Variants in UNC13C observed in about 807,000 individuals in gnomAD.
UNC13C encodes unc-13 homolog C, also known as protein unc-13 homolog C.
A neutral mutation model predicts 245.4 loss-of-function variants in UNC13C; 174 were observed. The ratio of observed to expected loss-of-function variants is 0.71; its 90% CI spans 0.63 to 0.80. The LOEUF is 0.80. Among genes scored for constraint, UNC13C ranks in the 30% least tolerant of loss-of-function variants. The pLI is 0.00. For missense variants in UNC13C, 2,829 were observed against 2,602.9 expected (o/e 1.09, Z -1.89); for synonymous variants, 992 against 895.1 (o/e 1.11, Z -1.93).
chr15:54,292,135 A>G (rs1297559813), intron 10 of UNC13C, among the ~76,000 whole-genome samples: 3 of 152,074 alleles, frequency 2.0e-5, no homozygotes, highest in Non-Finnish European at 4.4e-5. Context: ...AGTTCTTAAC[A>G]GCAACAACAA....
chr15:54,138,305 C>T (rs2031835881), intron 2 of UNC13C, among the ~76,000 whole-genome samples: 1 of 151,838 alleles, frequency 6.6e-6, no homozygotes, highest in Non-Finnish European at 1.5e-5. Context: ...ATATTTTCAA[C>T]AATATGATTA....
chr15:53,924,739 A>G, the UNC13C span, among the ~76,000 whole-genome samples: 1 of 152,234 alleles, frequency 6.6e-6, no homozygotes, highest in Non-Finnish European at 1.5e-5. Context: ...AAGAAAGCCT[A>G]TATTTCATTT....
intron 30 of UNC13C, among the ~76,000 whole-genome samples, chr15:54,612,381 A>G (rs185621405): frequency 6.6e-6 from 1 of 151,978 alleles, no homozygotes. Context: ...TTTAGAGTTT[A>G]TTTATTTATA....
intron 19 of UNC13C, among the ~76,000 whole-genome samples, chr15:54,478,198 C>T (rs1021453608): frequency 6.9e-6 from 1 of 145,964 alleles, no homozygotes; most frequent in African/African-American, 2.6e-5. Context: ...ATTCTTCTCT[C>T]TTTTTTTCTT....
intron 1 of UNC13C, among the ~76,000 whole-genome samples, chr15:53,979,430 G>A (rs1257016974): frequency 8.0e-6 from 1 of 125,196 alleles, no homozygotes; most frequent in Non-Finnish European, 1.8e-5. Context: ...CTCTTCATCA[G>A]TTCTTCAAGA....
intron 4 of UNC13C, among the ~76,000 whole-genome samples, chr15:54,198,496 T>G (rs2034426970): frequency 6.6e-6 from 1 of 152,132 alleles, no homozygotes; most frequent in South Asian, 2.1e-4. Context: ...GATGCTGGTA[T>G]CAACAGCTGC....
At chr15:53,930,179 C>G in the UNC13C span, among the ~76,000 whole-genome samples, 1 of 152,140 alleles carries the variant, frequency 6.6e-6, no homozygotes, top group African/African-American at 2.4e-5. Context: ...TTCATGTGTC[C>G]TCTCTCTCCA....
At chr15:54,597,877 G>A (rs1323316191) in intron 30 of UNC13C, among the ~76,000 whole-genome samples, 1 of 152,148 alleles carries the variant, frequency 6.6e-6, no homozygotes, top group Non-Finnish European at 1.5e-5. Flanking sequence ...ATGGAGCACA[G>A]TAATGACTTT....
intron 17 of UNC13C, among the ~76,000 whole-genome samples, chr15:54,348,507 ATCTCTTTGTATTAG>A (rs760080707): frequency 1.2e-4 from 19 of 152,176 alleles, no homozygotes; most frequent in Non-Finnish European, 2.6e-4. Flanking sequence ...ATCAAAAAAC[ATCTCTTTGTATTAG>A]ACGGAATGTG....
intron 2 of UNC13C, among the ~76,000 whole-genome samples, chr15:54,038,120 A>ATTTTTTT (rs1246982047): frequency 0.22 from 9,535 of 43,380 alleles, 1,492 homozygotes; most frequent in Non-Finnish European, 0.28. Context: ...ATATATATAT[A>ATTTTTTT]TATATTTTTT....
intron 17 of UNC13C, among the ~76,000 whole-genome samples, chr15:54,361,552 G>A (rs2039231272): frequency 6.6e-6 from 1 of 152,148 alleles, no homozygotes. Context: ...ATATTTCCCT[G>A]AGTTTAACAA....
At chr15:54,226,159 TTGATTG>T (rs1482342256) in intron 4 of UNC13C, among the ~76,000 whole-genome samples, 1 of 152,198 alleles carries the variant, frequency 6.6e-6, no homozygotes, top group African/African-American at 2.4e-5. Context: ...TGAAGCCAAG[TTGATTG>T]TCATGGGTAA....
chr15:53,952,434 C>T, the UNC13C span, among the ~76,000 whole-genome samples: 2 of 152,216 alleles, frequency 1.3e-5, no homozygotes, highest in Non-Finnish European at 2.9e-5. Context: ...TTCATTCTCT[C>T]TTCCCCCATC....
rs113833822 is a variant in UNC13C at position 54,603,024 on chromosome 15, G to C, written c.6107-19303G>C. 4.1e-3 allele frequency among the ~76,000 whole-genome samples: 619 copies of C among 152,294 alleles called. 4 individuals are homozygous for C. The highest frequency in any genetic ancestry group is 0.014 in the African/African-American group (595 of 41,546). ...ACAAAGGCTCTGGTGCATCTGTTTA[G>C]TCCTTCCTCCATTCCCATGTGCCTC... On this transcript the variant is annotated intron_variant, in intron 30 of 32. Transcript: ENST00000260323.
At chr15:54,046,324 A>C in intron 2 of UNC13C, among the ~76,000 whole-genome samples, 1 of 152,314 alleles carries the variant, frequency 6.6e-6, no homozygotes, top group East Asian at 1.9e-4. Context: ...TATTCTCCAT[A>C]GGGATTACAT....
intron 2 of UNC13C, among the ~76,000 whole-genome samples, chr15:54,122,944 G>A (rs918674206): frequency 2.4e-4 from 36 of 151,976 alleles, no homozygotes; most frequent in East Asian, 3.9e-4. Flanking sequence ...ATGTGAACAT[G>A]TATTTTAATT....
chr15:54,391,435 TA>T (rs1313710122), intron 17 of UNC13C, among the ~76,000 whole-genome samples: 1 of 152,076 alleles, frequency 6.6e-6, no homozygotes, highest in African/African-American at 2.4e-5. Context: ...TAAATTTTAA[TA>T]AAATTTCTAA....
At chr15:53,849,575 G>A in the UNC13C span, among the ~76,000 whole-genome samples, 4 of 151,848 alleles carry the variant, frequency 2.6e-5, no homozygotes, top group African/African-American at 9.7e-5. Context: ...TTTTTCCTTT[G>A]AGCACTTATA....
chr15:53,998,223 A>G (rs1244624651), intron 1 of UNC13C, among the ~76,000 whole-genome samples: 3 of 152,202 alleles, frequency 2.0e-5, no homozygotes, highest in Non-Finnish European at 4.4e-5. Flanking sequence ...GTTGTGGTCT[A>G]TTAAATCTAT....
Sources: allele counts gnomAD v4.1 joint callset (sites outside exome capture counted in the v4.1 genomes callset), GRCh38; gene constraint gnomAD v4.1.1; transcripts MANE v1.5; gene names NCBI Gene and HGNC (gene_info 2026-07-23, HGNC 2026-07-21).